Variants in HNRNPH1 observed in about 807,000 individuals in gnomAD.
HNRNPH1 encodes the protein heterogeneous nuclear ribonucleoprotein H.
HNRNPH1 carries 4 observed loss-of-function variants against 58.6 expected under a neutral mutation model. The observed-to-expected ratio is 0.07, with a 90% confidence interval of 0.03 to 0.16. HNRNPH1 has a LOEUF of 0.16. HNRNPH1 is among the 10% of genes least tolerant of loss of function. HNRNPH1 has a pLI of 1.00. For synonymous variants in HNRNPH1, 192 were observed against 189.2 expected (o/e 1.01, Z -0.12); for missense variants, 271 against 564.2 (o/e 0.48, Z 5.26).
Position 179,617,147 on chromosome 5 carries a change from G to A in HNRNPH1, c.1058-37C>T, listed in dbSNP as rs543426444. On this transcript the variant is annotated intron_variant, in intron 8 of 12. Transcript: ENST00000356731. ...AAAAAAAAGTTTGAAAATGTTTGTT[G>A]GTGAAACAAAACAGAATAAGCACTT... 119 of 1,585,480 alleles carry A rather than the reference G, an allele frequency of 7.5e-5. 4 individuals carry two copies. In the South Asian group the frequency reaches 1.2e-3, roughly 17 times the overall value.
intron 1 of HNRNPH1, 165 bp from the exon 3 acceptor site, chr5:179,621,562 A>T: frequency 1.7e-6 from 1 of 604,260 alleles, no homozygotes; most frequent in Admixed American, 3.2e-5. Flanking sequence ...ATTAAAAAAA[A>T]ACAAACTCAT....
chr5:179,615,705 G>A (rs965149908), intron 11 of HNRNPH1, 110 bp from the exon 13 acceptor site: 55 of 580,788 alleles, frequency 9.5e-5, no homozygotes, highest in African/African-American at 7.7e-4. Context: ...TAATAAATAC[G>A]ATCCTGAACC....
exon 3 of HNRNPH1, chr5:179,620,934 G>A: frequency 1.2e-6 from 2 of 1,614,058 alleles, no homozygotes; most frequent in Non-Finnish European, 1.7e-6. Context: ...CATCCAAAGG[G>A]AAGTCCTCTA....
intron 1 of HNRNPH1, 162 bp downstream of exon 2, chr5:179,622,875 G>T: frequency 6.4e-6 from 1 of 155,102 alleles, no homozygotes; most frequent in Non-Finnish European, 1.4e-5. Context: ...GAGCAGCACA[G>T]CGGTGAGTGT....
At chr5:179,615,184 G>T (rs1482184274) in intron 12 of HNRNPH1, 2 of 457,104 alleles carry the variant, frequency 4.4e-6, no homozygotes, top group South Asian at 4.3e-5. Flanking sequence ...CCATTTTAAC[G>T]GATTCTTCAG....
At chr5:179,633,461 ATTTTTT>A (rs762139490) in intron 2 of HNRNPH1, among the ~76,000 whole-genome samples, 64 of 102,586 alleles carry the variant, frequency 6.2e-4, no homozygotes, top group African/African-American at 2.2e-3. Context: ...CACCCGGCTA[ATTTTTT>A]TTTTTTTTTT....
At chr5:179,619,436 A>AG in intron 3 of HNRNPH1, 29 bp from the exon 5 acceptor site, 14 of 1,588,726 alleles carry the variant, frequency 8.8e-6, no homozygotes, top group South Asian at 2.3e-5. Context: ...TAACCCCAGT[A>AG]GGGGGGCAAT....
At chr5:179,621,999 T>C (rs1374008607) in intron 1 of HNRNPH1, 2 of 456,300 alleles carry the variant, frequency 4.4e-6, no homozygotes, top group Non-Finnish European at 8.8e-6. Context: ...AGTAAGTCAA[T>C]ACTACAAACG....
chr5:179,626,481 G>T (rs1279467125), upstream of HNRNPH1, among the ~76,000 whole-genome samples: 1 of 150,210 alleles, frequency 6.7e-6, no homozygotes, highest in Non-Finnish European at 1.5e-5. Context: ...ACTTTGGGAG[G>T]CCGAGGCAGG....
At chr5:179,632,753 C>CTTTTTT (rs752554745) in intron 2 of HNRNPH1, among the ~76,000 whole-genome samples, 16,782 of 91,918 alleles carry the variant, frequency 0.18, 3,275 homozygotes, top group East Asian at 0.54. Context: ...AATCAAATAT[C>CTTTTTT]TTTTTTTTTT....
At chr5:179,616,152 C>T in exon 11 of HNRNPH1, 1 of 1,614,080 alleles carries the variant, frequency 6.2e-7, no homozygotes, top group Non-Finnish European at 8.5e-7. Context: ...GCTCTGGCCA[C>T]CGTAGCCGCC....
chr5:179,617,200 G>A (rs973817010), intron 8 of HNRNPH1, 90 bp from the exon 10 acceptor site: 1 of 1,271,000 alleles, frequency 7.9e-7, no homozygotes, highest in Non-Finnish European at 1.1e-6. Context: ...AAGCAGATCT[G>A]TGAACTTCAA....
exon 1 of HNRNPH1, chr5:179,623,742 G>C (rs1773953863): frequency 6.6e-6 from 1 of 152,540 alleles, no homozygotes; most frequent in Admixed American, 6.5e-5. Context: ...CCAGCTGCCC[G>C]CACCGCCCCG....
chr5:179,617,201 T>G, intron 8 of HNRNPH1, 91 bp from the exon 10 acceptor site: 1 of 1,262,644 alleles, frequency 7.9e-7, no homozygotes, highest in South Asian at 1.3e-5. Context: ...AGCAGATCTG[T>G]GAACTTCAAA....
exon 1 of HNRNPH1, chr5:179,623,854 C>T (rs1773993751): frequency 6.6e-6 from 1 of 152,322 alleles, no homozygotes; most frequent in Non-Finnish European, 1.5e-5. Context: ...GCACCCCCAC[C>T]CATAAACCCG....
At position 179,633,007 on chromosome 5, in the gene HNRNPH1, A is replaced by G. The variant is rs190193012; in HGVS notation, c.-32+1058T>C. On this transcript the variant is annotated intron_variant, in intron 2 of 4. Coordinates refer to the HNRNPH1 transcript ENST00000521116. ...CCACTAGCTGGGAATACAGGCGCCCACCACCACGCCCAGCTAATTTTTTGT... is the reference window on the plus strand; with the variant it reads ...CCACTAGCTGGGAATACAGGCGCCCGCCACCACGCCCAGCTAATTTTTTGT... 4.6e-3 allele frequency among the ~76,000 whole-genome samples: 703 copies of G among 151,328 alleles called. 3 individuals are homozygous for G. The highest frequency in any genetic ancestry group is 0.017 in the African/African-American group (685 of 41,210).
At chr5:179,622,505 G>A (rs1220644546) in intron 1 of HNRNPH1, among the ~76,000 whole-genome samples, 4 of 152,178 alleles carry the variant, frequency 2.6e-5, no homozygotes, top group African/African-American at 7.2e-5. Flanking sequence ...GAGGTCAGAT[G>A]TTCGAGACCA....
chr5:179,616,460 T>G, intron 10 of HNRNPH1: 1 of 549,548 alleles, frequency 1.8e-6, no homozygotes, highest in Non-Finnish European at 3.2e-6. Flanking sequence ...ATCAACATGA[T>G]TCCGTAAGTA....
chr5:179,621,168 C>G, intron 2 of HNRNPH1, 74 bp downstream of exon 3: 5 of 1,524,072 alleles, frequency 3.3e-6, no homozygotes, highest in Non-Finnish European at 4.5e-6. Context: ...AGTCAAATAC[C>G]TAAAATTCAG....
Sources: allele counts gnomAD v4.1 joint callset (sites outside exome capture counted in the v4.1 genomes callset), GRCh38; gene constraint gnomAD v4.1.1; transcripts MANE v1.5; gene names NCBI Gene and HGNC (gene_info 2026-07-23, HGNC 2026-07-21).